CSMD3: variants seen among roughly 807,000 people sequenced by gnomAD.
CSMD3 encodes the protein CUB and sushi domain-containing protein 3.
A neutral mutation model predicts 435.2 loss-of-function variants in CSMD3; 177 were observed. The ratio of observed to expected loss-of-function variants is 0.41; its 90% confidence interval spans 0.36 to 0.46. The LOEUF is 0.46. CSMD3 is among the 20% of genes least tolerant of loss of function. CSMD3 has a pLI of 0.34. For missense variants in CSMD3, 4,265 were observed against 4,504.6 expected, an observed-to-expected ratio of 0.95 and a Z score of 1.52; for synonymous variants, 1,656 against 1,520.5, an observed-to-expected ratio of 1.09 and a Z score of -2.07.
chr8:112,337,482 C>T (rs938690855), intron 43 of CSMD3, 61 bp downstream of exon 43: 25 of 1,368,378 alleles, frequency 1.8e-5, no homozygotes, highest in Non-Finnish European at 2.5e-5. Flanking sequence ...GTAAAAAGTG[C>T]CAAAACAATA....
intron 21 of CSMD3, among the ~76,000 whole-genome samples, chr8:112,637,336 A>G (rs575090665): frequency 6.6e-6 from 1 of 152,178 alleles, no homozygotes; most frequent in Non-Finnish European, 1.5e-5. Context: ...GACTTACGGC[A>G]TAAGAACTGC....
intron 1 of CSMD3, among the ~76,000 whole-genome samples, chr8:113,385,120 G>C (rs767236082): frequency 6.6e-6 from 1 of 152,056 alleles, no homozygotes; most frequent in Non-Finnish European, 1.5e-5. Flanking sequence ...TCAATTACCA[G>C]GAGTCAATTT....
At chr8:113,032,476 G>A (rs962448325) in intron 5 of CSMD3, among the ~76,000 whole-genome samples, 1 of 151,554 alleles carries the variant, frequency 6.6e-6, no homozygotes, top group Non-Finnish European at 1.5e-5. Context: ...CTTTGAGCTT[G>A]AGAGAGATGA....
intron 1 of CSMD3, among the ~76,000 whole-genome samples, chr8:113,382,079 A>G (rs1022667290): frequency 7.2e-5 from 11 of 152,166 alleles, no homozygotes; most frequent in African/African-American, 4.8e-5. Context: ...ATTACCATAA[A>G]AAACATTTTG....
intron 4 of CSMD3, among the ~76,000 whole-genome samples, chr8:113,129,760 T>C (rs984071946): frequency 3.3e-5 from 5 of 151,988 alleles, no homozygotes; most frequent in African/African-American, 1.2e-4. Context: ...AATTAGCCAA[T>C]TCAAATAAGG....
intron 13 of CSMD3, among the ~76,000 whole-genome samples, chr8:112,772,477 G>T (rs534460878): frequency 1.4e-4 from 21 of 152,128 alleles, no homozygotes; most frequent in African/African-American, 5.1e-4. Flanking sequence ...GCGGAAGGCC[G>T]CAGGGACCTC....
intron 10 of CSMD3, among the ~76,000 whole-genome samples, chr8:112,862,589 A>G (rs564219709): frequency 6.6e-6 from 1 of 152,064 alleles, no homozygotes; most frequent in South Asian, 2.1e-4. Context: ...TACAGTGAAG[A>G]TCTTGGTACA....
chr8:112,609,836 A>G (rs1282123526), intron 22 of CSMD3, among the ~76,000 whole-genome samples: 1 of 152,198 alleles, frequency 6.6e-6, no homozygotes, highest in Admixed American at 6.5e-5. Context: ...AATATTATTT[A>G]GCACTTAAAG....
intron 1 of CSMD3, among the ~76,000 whole-genome samples, chr8:113,429,756 A>T (rs1176240588): frequency 1.3e-5 from 2 of 152,156 alleles, no homozygotes; most frequent in Non-Finnish European, 2.9e-5. Context: ...AAGTAGAAAA[A>T]GAATTGAACA....
intron 27 of CSMD3, among the ~76,000 whole-genome samples, chr8:112,531,250 G>A (rs1314054786): frequency 6.6e-6 from 1 of 152,124 alleles, no homozygotes; most frequent in African/African-American, 2.4e-5. Flanking sequence ...AATTCTTCTA[G>A]ATCCACCCCA....
chr8:113,231,362 C>T (rs911112775), intron 3 of CSMD3, among the ~76,000 whole-genome samples: 5 of 151,010 alleles, frequency 3.3e-5, no homozygotes, highest in Non-Finnish European at 7.4e-5. Context: ...TTTCTAAAAG[C>T]ATAACGTAAA....
rs149514576 is a variant in CSMD3 at position 112,834,735 on chromosome 8, G to A, written c.1756-4946C>T. On this transcript the variant is annotated intron_variant, in intron 11 of 70. Transcript: ENST00000297405. ...TCAACAAATAGTCATAAGTATAATA[G>A]GAATGCTTCCTCTACATGTTTATTT... Among the ~76,000 whole-genome samples, 575 of 151,734 alleles carry A rather than the reference G, an allele frequency of 3.8e-3. 2 individuals are homozygous for A. Among genetic ancestry groups the A allele is most frequent in the African/African-American group, 0.013 (545 of 41,482 alleles).
intron 32 of CSMD3, among the ~76,000 whole-genome samples, chr8:112,430,642 A>G (rs1813563323): frequency 6.6e-6 from 1 of 152,090 alleles, no homozygotes; most frequent in Non-Finnish European, 1.5e-5. Flanking sequence ...AGGTAAATAT[A>G]TTAAGAGGTA....
intron 9 of CSMD3, among the ~76,000 whole-genome samples, chr8:112,937,019 AGACAATC>A (rs961937448): frequency 8.5e-5 from 13 of 152,152 alleles, no homozygotes; most frequent in Admixed American, 7.9e-4. Flanking sequence ...AAGGTAAAGT[AGACAATC>A]TATAGAGTGT....
intron 22 of CSMD3, among the ~76,000 whole-genome samples, chr8:112,636,067 A>G (rs1459281433): frequency 6.6e-6 from 1 of 152,160 alleles, no homozygotes; most frequent in African/African-American, 2.4e-5. Context: ...ACTAAACAGC[A>G]AGAAGTTTTT....
At chr8:113,331,610 T>C (rs1460544546) in intron 1 of CSMD3, among the ~76,000 whole-genome samples, 2 of 151,692 alleles carry the variant, frequency 1.3e-5, no homozygotes, top group Admixed American at 1.3e-4. Flanking sequence ...TACCCAGGAA[T>C]GCAAAGCTAA....
At chr8:112,381,771 A>G (rs756014032) in intron 37 of CSMD3, among the ~76,000 whole-genome samples, 5 of 152,134 alleles carry the variant, frequency 3.3e-5, no homozygotes, top group Non-Finnish European at 5.9e-5. Context: ...CTAATTCTGG[A>G]GTCACACCAG....
chr8:112,427,099 ATT>A (rs987206030), intron 32 of CSMD3, among the ~76,000 whole-genome samples: 28 of 152,308 alleles, frequency 1.8e-4, no homozygotes, highest in Admixed American at 1.7e-3. Context: ...AAATGAGGAT[ATT>A]TAGTTCAGTT....
intron 27 of CSMD3, among the ~76,000 whole-genome samples, chr8:112,518,666 C>T (rs1201246497): frequency 1.3e-5 from 2 of 150,806 alleles, no homozygotes; most frequent in African/African-American, 4.9e-5. Flanking sequence ...GGGAAACTTA[C>T]TCATTAAATT....
Sources: gnomAD v4.1 joint callset for allele counts (sites outside exome capture counted in the v4.1 genomes callset) on GRCh38, gnomAD v4.1.1 for gene constraint, MANE v1.5 for transcripts, NCBI Gene and HGNC (gene_info 2026-07-23, HGNC 2026-07-21) for gene names.